Variants in CHEK1 observed in about 807,000 individuals in gnomAD.
The protein encoded by CHEK1 is checkpoint kinase 1, also known as serine/threonine-protein kinase Chk1.
Under a neutral mutation model 60.2 loss-of-function variants are expected in CHEK1, and 32 were observed. The observed-to-expected ratio is 0.53, with a 90% CI of 0.40 to 0.71. CHEK1 has a LOEUF of 0.71. Ranked by LOEUF, CHEK1 falls within the 30% of genes least tolerant of loss-of-function variation. The pLI is 0.00. For synonymous variants in CHEK1, 179 were observed against 187.2 expected, an observed-to-expected ratio of 0.96 and a Z score of 0.36; for missense variants, 399 against 564.6, an observed-to-expected ratio of 0.71 and a Z score of 2.97.
At chr11:125,672,518 T>G in intron 13 of CHEK1, 1 of 1,569,356 alleles carries the variant, frequency 6.4e-7, no homozygotes, top group Non-Finnish European at 8.7e-7. Flanking sequence ...GGGAAGGAAC[T>G]AAATATAAAA....
chr11:125,635,664 T>A (rs1941044948), intron 7 of CHEK1, 131 bp downstream of exon 7: 4 of 540,414 alleles, frequency 7.4e-6, no homozygotes, highest in Non-Finnish European at 1.3e-5. Flanking sequence ...GATAAAATAG[T>A]AACTATAAGT....
rs138210916 is a variant in CHEK1 at position 125,668,228 on chromosome 11, A to G, written c.*28-7700A>G. Among the ~76,000 whole-genome samples, 490 of 152,264 alleles carry G rather than the reference A, an allele frequency of 3.2e-3. 1 individual carries two copies. Among genetic ancestry groups the G allele is most frequent in the African/African-American group, 0.011 (465 of 41,562 alleles). ...GCCTGTGTTCAAACCCAGATCATGC[A>G]TGGTTTTCATGTCCCCTTAGTCTCC... On this transcript the variant is annotated intron_variant, in intron 13 of 13. Coordinates refer to the CHEK1 transcript ENST00000428830.
downstream of CHEK1, among the ~76,000 whole-genome samples, chr11:125,658,770 G>T (rs1212541440): frequency 1.5e-4 from 20 of 136,134 alleles, no homozygotes; most frequent in Admixed American, 1.7e-3. Context: ...GCTCACTGCA[G>T]CCTCAGCCTC....
chr11:125,651,948 T>C (rs1464469966), intron 11 of CHEK1, among the ~76,000 whole-genome samples: 1 of 152,200 alleles, frequency 6.6e-6, no homozygotes, highest in Non-Finnish European at 1.5e-5. Flanking sequence ...CTTGATTCAC[T>C]CTCTCTCAGT....
At chr11:125,651,930 C>T (rs1411697870) in intron 11 of CHEK1, among the ~76,000 whole-genome samples, 2 of 152,228 alleles carry the variant, frequency 1.3e-5, no homozygotes, top group African/African-American at 4.8e-5. Flanking sequence ...TTTTCACTGA[C>T]ATCACTCCTT....
downstream of CHEK1, chr11:125,680,878 G>C: frequency 1.0e-6 from 1 of 991,394 alleles, no homozygotes; most frequent in Non-Finnish European, 1.6e-6. Context: ...CTGAAGCAGA[G>C]CTTCTGGGAA....
At chr11:125,631,333 GTCC>G (rs1386205242) in intron 5 of CHEK1, among the ~76,000 whole-genome samples, 1 of 151,908 alleles carries the variant, frequency 6.6e-6, no homozygotes, top group Non-Finnish European at 1.5e-5. Context: ...AGTATTTAAT[GTCC>G]TCCTGTTTAT....
At chr11:125,669,755 A>G (rs533813941) in intron 13 of CHEK1, among the ~76,000 whole-genome samples, 2 of 151,010 alleles carry the variant, frequency 1.3e-5, no homozygotes, top group African/African-American at 4.9e-5. Context: ...TGAACTGCTG[A>G]CCTCGTGATC....
chr11:125,647,991 C>A (rs1036535881), intron 11 of CHEK1, among the ~76,000 whole-genome samples: 8 of 152,084 alleles, frequency 5.3e-5, no homozygotes, highest in African/African-American at 1.9e-4. Context: ...TCTTCTAATC[C>A]AATAACATGG....
At chr11:125,628,149 C>G (rs539245484) in intron 3 of CHEK1, among the ~76,000 whole-genome samples, 1 of 152,266 alleles carries the variant, frequency 6.6e-6, no homozygotes, top group African/African-American at 2.4e-5. Flanking sequence ...ATTGCCTACA[C>G]AATTTTTTCT....
chr11:125,669,962 T>C lies in CHEK1; in HGVS notation c.*28-5966T>C, dbSNP rs570364056. 2.0e-5 allele frequency among the ~76,000 whole-genome samples: 3 copies of C among 152,366 alleles called. No individual in the cohort carries two copies. The East Asian group carries it at 5.8e-4, about 29-fold the overall frequency. ...AATGTCTTTTTCTGTCTCATCTCTT[T>C]CCTATTCTCAACTGCAATATCTTAC... On this transcript the variant is annotated intron_variant, in intron 13 of 13. Transcript: ENST00000428830.
chr11:125,652,175 C>T (rs180842061), intron 11 of CHEK1, among the ~76,000 whole-genome samples: 88 of 152,280 alleles, frequency 5.8e-4, no homozygotes, highest in African/African-American at 2.0e-3. Flanking sequence ...TGATCTCGCT[C>T]GGGCTTAACT....
chr11:125,678,461 C>G (rs551613421), downstream of CHEK1, among the ~76,000 whole-genome samples: 1 of 152,024 alleles, frequency 6.6e-6, no homozygotes, highest in African/African-American at 2.4e-5. Flanking sequence ...ACTAAGTATC[C>G]CAAAAGGCCA....
chr11:125,630,193 C>T (rs528789682), intron 5 of CHEK1, among the ~76,000 whole-genome samples: 105 of 152,046 alleles, frequency 6.9e-4, no homozygotes, highest in East Asian at 9.6e-4. Context: ...GGATGGATAG[C>T]GAAAGCTTTA....
intron 11 of CHEK1, among the ~76,000 whole-genome samples, chr11:125,645,280 A>G (rs2136032596): frequency 6.6e-6 from 1 of 152,290 alleles, no homozygotes; most frequent in South Asian, 2.1e-4. Flanking sequence ...ACTGCCTACT[A>G]TGAAAGACGA....
chr11:125,628,520 G>C (rs1209548094), intron 3 of CHEK1, among the ~76,000 whole-genome samples: 1 of 152,184 alleles, frequency 6.6e-6, no homozygotes, highest in Admixed American at 6.5e-5. Context: ...GAGTTAATGA[G>C]AGAGATCAAA....
intron 13 of CHEK1, among the ~76,000 whole-genome samples, chr11:125,669,698 A>AT (rs559381856): frequency 1.0e-3 from 155 of 150,272 alleles, no homozygotes; most frequent in African/African-American, 3.6e-3. Flanking sequence ...TAATTTTTGT[A>AT]TTTTTTTAGT....
At chr11:125,640,813 G>T (rs1337890703) in intron 8 of CHEK1, among the ~76,000 whole-genome samples, 2 of 152,076 alleles carry the variant, frequency 1.3e-5, no homozygotes, top group Non-Finnish European at 1.5e-5. Flanking sequence ...AATTAGCCAG[G>T]TGTGGTGGTT....
chr11:125,678,480 A>G (rs150481208), downstream of CHEK1, among the ~76,000 whole-genome samples: 263 of 152,332 alleles, frequency 1.7e-3, no homozygotes, highest in African/African-American at 6.0e-3. Context: ...CATGGAGGAC[A>G]GAAGTGTTTA....
Sources: allele counts gnomAD v4.1 joint callset (sites outside exome capture counted in the v4.1 genomes callset), GRCh38; gene constraint gnomAD v4.1.1; transcripts MANE v1.5; gene names NCBI Gene and HGNC (gene_info 2026-07-23, HGNC 2026-07-21).